SBF2: variants seen among roughly 807,000 people sequenced by gnomAD.
SBF2 encodes the protein myotubularin-related protein 13.
SBF2 carries 112 observed loss-of-function variants against 225.2 expected under a neutral mutation model. That is an observed-to-expected ratio of 0.50 (90% confidence interval 0.43 to 0.58). The LOEUF is 0.58. Among genes scored for constraint, SBF2 ranks in the 20% least tolerant of loss-of-function variants. The pLI is 0.00. For synonymous variants in SBF2, 763 were observed against 773.3 expected, an observed-to-expected ratio of 0.99 and a Z score of 0.22; for missense variants, 1,996 against 2,206.2, an observed-to-expected ratio of 0.90 and a Z score of 1.91.
intron 16 of SBF2, among the ~76,000 whole-genome samples, chr11:9,951,065 G>A (rs1232627192): frequency 6.6e-6 from 1 of 152,132 alleles, no homozygotes; most frequent in Non-Finnish European, 1.5e-5. Flanking sequence ...GCTGAGGAAG[G>A]CTTCCAGAAA....
In SBF2 at chr11:9,846,234, G is replaced by A. The variant is rs74341542; in HGVS notation, c.2935-494C>T. 3.5e-4 allele frequency among the ~76,000 whole-genome samples: 53 copies of A among 152,302 alleles called. No individual in the cohort carries two copies. The East Asian group carries it at 6.4e-3, about 18-fold the overall frequency. ...CAATGCTTTCAGGTGATGAGAGAAG[G>A]TCTGGAGCCTAAAGATCAGCAGCCT... On this transcript the variant is annotated intron_variant, in intron 23 of 39. Transcript: ENST00000256190.
intron 16 of SBF2, among the ~76,000 whole-genome samples, chr11:9,910,948 A>C (rs1475415512): frequency 1.3e-5 from 2 of 151,290 alleles, no homozygotes; most frequent in South Asian, 4.2e-4. Flanking sequence ...AGTCCCAGCT[A>C]CTCAGGAGGC....
chr11:10,104,386 A>G (rs9988844), intron 2 of SBF2, among the ~76,000 whole-genome samples: 2,269 of 152,336 alleles, frequency 0.015, 51 homozygotes, highest in African/African-American at 0.049. Flanking sequence ...GGTGGAAGGT[A>G]TAACAACAAT....
chr11:10,071,633 T>G (rs1188776121), intron 2 of SBF2, among the ~76,000 whole-genome samples: 1 of 152,176 alleles, frequency 6.6e-6, no homozygotes, highest in Non-Finnish European at 1.5e-5. Context: ...GCTGTGGGTT[T>G]GTCATAAACA....
At chr11:10,224,421 C>G (rs1224839679) in intron 1 of SBF2, among the ~76,000 whole-genome samples, 1 of 152,118 alleles carries the variant, frequency 6.6e-6, no homozygotes, top group Admixed American at 6.6e-5. Flanking sequence ...TAGATCATGT[C>G]ACTTTACTTC....
chr11:9,879,984 T>A (rs888185094), intron 17 of SBF2, among the ~76,000 whole-genome samples: 3 of 148,386 alleles, frequency 2.0e-5, no homozygotes, highest in African/African-American at 7.5e-5. Flanking sequence ...CTCGGGAGGC[T>A]GAGGCAGGAG....
At chr11:9,963,922 T>C (rs1866740242) in intron 14 of SBF2, 40 bp from the exon 15 acceptor site, 1 of 1,198,352 alleles carries the variant, frequency 8.3e-7, no homozygotes, top group Non-Finnish European at 1.2e-6. Context: ...TAAATTAAAC[T>C]TCTTTGGTAA....
rs548437676 is a variant in SBF2, at chr11:10,185,109, TG to T, written c.141+8792del. On this transcript the variant is annotated intron_variant, in intron 2 of 39. Coordinates refer to ENST00000256190, the MANE Select transcript of SBF2 (RefSeq NM_030962.4). ...TCCTTTTTAAGGCTGAATAATATTC[TG>T]GGGGGGGGTGTGTGTGTGCGTGCAC... Among the ~76,000 whole-genome samples the T allele has an allele frequency of 8.9e-3, 1,331 of 148,876 alleles. 8 individuals are homozygous for T. Among genetic ancestry groups the T allele is most frequent in the Non-Finnish European group, 0.014 (911 of 67,100 alleles).
intron 13 of SBF2, among the ~76,000 whole-genome samples, chr11:9,989,039 A>AATAT (rs144940762): frequency 1.4e-5 from 2 of 138,794 alleles, no homozygotes; most frequent in South Asian, 2.6e-4. Flanking sequence ...AACTGTGCCA[A>AATAT]ATATATATAT....
intron 18 of SBF2, among the ~76,000 whole-genome samples, chr11:9,858,003 G>A (rs1857441209): frequency 6.6e-6 from 1 of 152,064 alleles, no homozygotes; most frequent in Admixed American, 6.6e-5. Context: ...ATTTATTAAA[G>A]TATATTAAAA....
At chr11:10,111,523 A>G (rs1437032358) in intron 2 of SBF2, among the ~76,000 whole-genome samples, 1 of 152,256 alleles carries the variant, frequency 6.6e-6, no homozygotes, top group African/African-American at 2.4e-5. Context: ...CTAGAGCCTT[A>G]AGAATTTCTC....
At chr11:10,251,559 G>A (rs1269821630) in intron 1 of SBF2, among the ~76,000 whole-genome samples, 1 of 152,094 alleles carries the variant, frequency 6.6e-6, no homozygotes, top group African/African-American at 2.4e-5. Flanking sequence ...TTATTCAAGC[G>A]AGTAGACTCC....
At chr11:10,247,578 C>G (rs1959933787) in intron 1 of SBF2, among the ~76,000 whole-genome samples, 1 of 151,556 alleles carries the variant, frequency 6.6e-6, no homozygotes, top group Non-Finnish European at 1.5e-5. Context: ...CCTGAAATCC[C>G]AGCTACTCAA....
intron 1 of SBF2, among the ~76,000 whole-genome samples, chr11:10,249,044 C>G (rs1260533993): frequency 6.6e-6 from 1 of 151,482 alleles, no homozygotes; most frequent in Non-Finnish European, 1.5e-5. Flanking sequence ...TGTAGTGAGC[C>G]GAGATCGTGT....
At chr11:9,928,431 T>C (rs1864226673) in intron 16 of SBF2, among the ~76,000 whole-genome samples, 2 of 152,194 alleles carry the variant, frequency 1.3e-5, no homozygotes, top group Admixed American at 1.3e-4. Context: ...TGGCTTCAAA[T>C]GGAAAGACTG....
intron 16 of SBF2, among the ~76,000 whole-genome samples, chr11:9,899,501 C>CAA (rs34430569): frequency 0.05 from 6,519 of 130,024 alleles, 201 homozygotes; most frequent in African/African-American, 0.061. Context: ...GAGACACTGT[C>CAA]AAAAAAAAAA....
chr11:10,131,226 A>ATT (rs151119580), intron 2 of SBF2, among the ~76,000 whole-genome samples: 538 of 144,322 alleles, frequency 3.7e-3, no homozygotes, highest in African/African-American at 5.8e-3. Flanking sequence ...ATTGCCACTA[A>ATT]TTTTTTTTTT....
intron 6 of SBF2, among the ~76,000 whole-genome samples, chr11:10,012,568 G>A (rs1393136329): frequency 6.6e-6 from 1 of 152,010 alleles, no homozygotes; most frequent in African/African-American, 2.4e-5. Context: ...CTTTCAATAT[G>A]GCTACCATTA....
intron 16 of SBF2, among the ~76,000 whole-genome samples, chr11:9,930,643 G>C (rs1864422543): frequency 6.6e-6 from 1 of 152,222 alleles, no homozygotes; most frequent in South Asian, 2.1e-4. Context: ...CAAGATGGCT[G>C]AACAGGAACA....
Sources: gnomAD v4.1 joint callset for allele counts (sites outside exome capture counted in the v4.1 genomes callset) on GRCh38, gnomAD v4.1.1 for gene constraint, MANE v1.5 for transcripts, NCBI Gene and HGNC (gene_info 2026-07-23, HGNC 2026-07-21) for gene names.